CWC27: variants seen among roughly 807,000 people sequenced by gnomAD.
CWC27 encodes spliceosome-associated protein CWC27 homolog.
In CWC27, 47 loss-of-function variants were observed where a neutral mutation model predicts 63.6. That is an observed-to-expected ratio of 0.74 (90% CI 0.58 to 0.94). The LOEUF (loss-of-function observed/expected upper bound fraction) is 0.94, where lower values mean the gene tolerates loss of function less well. Among genes scored for constraint, CWC27 ranks in the 40% least tolerant of loss-of-function variants. CWC27 has a pLI of 0.00. For synonymous variants in CWC27, 175 were observed against 179.8 expected (o/e 0.97, Z 0.22); for missense variants, 495 against 554.3 (o/e 0.89, Z 1.07).
intron 7 of CWC27, among the ~76,000 whole-genome samples, chr5:64,799,419 CTACTAAAAA>C (rs1744400775): frequency 6.6e-6 from 1 of 151,774 alleles, no homozygotes. Context: ...AACCCTGTCT[CTACTAAAAA>C]TACAAATATT....
intron 11 of CWC27, among the ~76,000 whole-genome samples, chr5:64,905,633 A>G (rs1156269679): frequency 2.0e-5 from 3 of 152,196 alleles, no homozygotes; most frequent in Non-Finnish European, 4.4e-5. Context: ...ATTAAGATAC[A>G]TGATGAAAAG....
rs899427884 is a variant in CWC27 at position 64,789,027 on chromosome 5, T to G, written c.669+7T>G. On this transcript the variant is annotated splice_region_variant and intron_variant, in intron 7 of 13. Transcript: ENST00000381070. ...AGTAAATCGAGTTAGTCAGGTAATC[T>G]CTAATTTGCCCTTTGTTCTAACTTA... 1.9e-5 allele frequency: 30 copies of G among 1,596,056 alleles called. No individual in the cohort carries two copies. Among genetic ancestry groups the G allele is most frequent in the Non-Finnish European group, 2.6e-5 (30 of 1,168,806 alleles).
At chr5:64,953,455 G>A (rs952509562) in intron 11 of CWC27, among the ~76,000 whole-genome samples, 3 of 152,088 alleles carry the variant, frequency 2.0e-5, no homozygotes, top group East Asian at 1.9e-4. Context: ...CACTCAATAT[G>A]TTGGCTTTGT....
At chr5:64,808,263 C>T (rs1580625906) in intron 10 of CWC27, 2 of 994,662 alleles carry the variant, frequency 2.0e-6, no homozygotes, top group African/African-American at 3.5e-5. Context: ...AATTTTTATC[C>T]CTACTGCTCC....
intron 10 of CWC27, among the ~76,000 whole-genome samples, chr5:64,810,225 A>G (rs898298770): frequency 6.6e-6 from 1 of 152,082 alleles, no homozygotes; most frequent in African/African-American, 2.4e-5. Context: ...GTTTATTTCT[A>G]TACTTCCTAT....
intron 11 of CWC27, among the ~76,000 whole-genome samples, chr5:64,890,979 T>C (rs1747218455): frequency 6.6e-6 from 1 of 152,188 alleles, no homozygotes; most frequent in South Asian, 2.1e-4. Context: ...CATTCATTCA[T>C]TTTGGTAGCA....
chr5:64,910,443 A>T (rs1279868034), intron 11 of CWC27, among the ~76,000 whole-genome samples: 1 of 152,192 alleles, frequency 6.6e-6, no homozygotes, highest in East Asian at 1.9e-4. Context: ...CCATTCTCAG[A>T]GCTCAAACAC....
intron 11 of CWC27, among the ~76,000 whole-genome samples, chr5:64,898,754 G>A (rs1222032205): frequency 6.6e-6 from 1 of 152,076 alleles, no homozygotes; most frequent in Non-Finnish European, 1.5e-5. Flanking sequence ...AACAATTCAG[G>A]GTGAGCACTT....
At chr5:65,003,296 A>C (rs1290231046) in intron 13 of CWC27, among the ~76,000 whole-genome samples, 1 of 152,138 alleles carries the variant, frequency 6.6e-6, no homozygotes, top group Non-Finnish European at 1.5e-5. Flanking sequence ...ATTATTATTG[A>C]TAGGTTAGGA....
intron 11 of CWC27, among the ~76,000 whole-genome samples, chr5:64,915,302 G>C (rs988583425): frequency 2.6e-5 from 4 of 152,138 alleles, no homozygotes; most frequent in African/African-American, 9.7e-5. Context: ...ACATGCTTAA[G>C]TGATAAAATT....
intron 10 of CWC27, among the ~76,000 whole-genome samples, chr5:64,805,090 T>A (rs559807078): frequency 6.6e-6 from 1 of 152,134 alleles, no homozygotes; most frequent in African/African-American, 2.4e-5. Context: ...GGGGATAATA[T>A]GAATGTAACT....
At chr5:64,806,803 G>A (rs1018556851) in intron 10 of CWC27, among the ~76,000 whole-genome samples, 6 of 151,882 alleles carry the variant, frequency 4.0e-5, no homozygotes, top group African/African-American at 7.3e-5. Flanking sequence ...GATCCTGTAT[G>A]GGCAACAGAG....
At chr5:64,998,994 C>T (rs1195344719) in intron 13 of CWC27, among the ~76,000 whole-genome samples, 1 of 151,806 alleles carries the variant, frequency 6.6e-6, no homozygotes, top group Non-Finnish European at 1.5e-5. Flanking sequence ...TCTCCTTTGG[C>T]CTTTTCTATT....
chr5:64,801,839 A>G (rs1270375453), intron 9 of CWC27, among the ~76,000 whole-genome samples: 2 of 152,308 alleles, frequency 1.3e-5, no homozygotes, highest in East Asian at 1.9e-4. Flanking sequence ...CCTTTAATAC[A>G]TAAGAGTCAA....
intron 10 of CWC27, among the ~76,000 whole-genome samples, chr5:64,826,082 T>TCTGTCTATCTAC: frequency 6.8e-6 from 1 of 147,694 alleles, no homozygotes; most frequent in Non-Finnish European, 1.5e-5. Flanking sequence ...AATAAATCTA[T>TCTGTCTATCTAC]CTATCTATCT....
intron 13 of CWC27, among the ~76,000 whole-genome samples, chr5:65,008,692 G>A (rs1435281107): frequency 6.6e-6 from 1 of 152,108 alleles, no homozygotes; most frequent in African/African-American, 2.4e-5. Flanking sequence ...TTGCCTCTTA[G>A]GATTGTCCTA....
At chr5:64,904,555 T>A (rs1294645517) in intron 11 of CWC27, among the ~76,000 whole-genome samples, 4 of 152,228 alleles carry the variant, frequency 2.6e-5, no homozygotes, top group Non-Finnish European at 5.9e-5. Context: ...CCAGAACAAG[T>A]GATTCCTTTG....
chr5:64,845,018 A>G (rs1011866773), intron 10 of CWC27: 17 of 456,614 alleles, frequency 3.7e-5, no homozygotes, highest in African/African-American at 3.4e-4. Flanking sequence ...TACAACTTGC[A>G]ACTGGCCTGA....
chr5:64,823,062 A>G (rs913124611), intron 10 of CWC27, among the ~76,000 whole-genome samples: 8 of 152,090 alleles, frequency 5.3e-5, no homozygotes, highest in African/African-American at 1.9e-4. Flanking sequence ...TTTGCTAGAA[A>G]TGAGATCTGA....
Sources: allele counts gnomAD v4.1 joint callset (sites outside exome capture counted in the v4.1 genomes callset), GRCh38; gene constraint gnomAD v4.1.1; transcripts MANE v1.5; gene names NCBI Gene and HGNC (gene_info 2026-07-23, HGNC 2026-07-21).